KCNQ5: variants seen among roughly 807,000 people sequenced by gnomAD.
The protein encoded by KCNQ5 is potassium voltage-gated channel subfamily Q member 5, also known as potassium voltage-gated channel subfamily KQT member 5.
Under a neutral mutation model 98.2 loss-of-function variants are expected in KCNQ5, and 30 were observed. The ratio of observed to expected loss-of-function variants is 0.31; its 90% CI spans 0.23 to 0.41. The LOEUF (loss-of-function observed/expected upper bound fraction) is 0.41. Among genes scored for constraint, KCNQ5 ranks in the 10% least tolerant of loss-of-function variants. The pLI, the probability that KCNQ5 is intolerant of heterozygous loss-of-function variation, is 1.00. For synonymous variants in KCNQ5, 458 were observed against 449.4 expected (o/e 1.02, Z -0.24); for missense variants, 835 against 1,182.5 (o/e 0.71, Z 4.31).
At position 72,775,830 on chromosome 6, in the gene KCNQ5, C is replaced by T. The variant is rs527362704; in HGVS notation, c.398+153243C>T. ...CTGTACTCCTCAAAACTGTCAAGGT[C>T]ATCCAAAACAAGGAAAGCCTGAGAA... On this transcript the variant is annotated intron_variant, in intron 1 of 13. Transcript: ENST00000370398. Among the ~76,000 whole-genome samples, 80 of 152,256 alleles carry T rather than the reference C, an allele frequency of 5.3e-4. 1 individual carries two copies. Among genetic ancestry groups the T allele is most frequent in the African/African-American group, 1.8e-3 (76 of 41,544 alleles).
chr6:72,708,973 T>C (rs974797793), intron 1 of KCNQ5, among the ~76,000 whole-genome samples: 1 of 152,194 alleles, frequency 6.6e-6, no homozygotes, highest in African/African-American at 2.4e-5. Flanking sequence ...TCTAAAACTT[T>C]GCAAATATGA....
intron 9 of KCNQ5, among the ~76,000 whole-genome samples, chr6:73,131,776 T>C (rs909458731): frequency 1.3e-5 from 2 of 152,200 alleles, no homozygotes; most frequent in African/African-American, 2.4e-5. Flanking sequence ...TAATCACACA[T>C]GTGTCAAGCA....
chr6:73,153,209 A>G (rs866382148), intron 10 of KCNQ5, among the ~76,000 whole-genome samples: 4 of 152,146 alleles, frequency 2.6e-5, no homozygotes, highest in Admixed American at 2.0e-4. Context: ...GTGTTGGCAT[A>G]GGGTTTTCTC....
At chr6:73,063,725 A>AGATAGATAGATAGAT (rs1562156339) in intron 3 of KCNQ5, among the ~76,000 whole-genome samples, 42 of 106,994 alleles carry the variant, frequency 3.9e-4, no homozygotes, top group East Asian at 7.4e-4. Context: ...GATAGATGAT[A>AGATAGATAGATAGAT]GATAGATAGA....
intron 1 of KCNQ5, among the ~76,000 whole-genome samples, chr6:72,814,926 A>C (rs1456200619): frequency 6.6e-6 from 1 of 152,216 alleles, no homozygotes; most frequent in Non-Finnish European, 1.5e-5. Flanking sequence ...GGTTTGGTGT[A>C]ATATTCTTAA....
intron 1 of KCNQ5, among the ~76,000 whole-genome samples, chr6:72,916,012 T>C (rs1780120689): frequency 6.6e-6 from 1 of 152,202 alleles, no homozygotes; most frequent in Non-Finnish European, 1.5e-5. Flanking sequence ...TTCCCTAGAC[T>C]GTGGATATTA....
At chr6:72,978,439 C>A (rs1384913440) in intron 1 of KCNQ5, among the ~76,000 whole-genome samples, 2 of 152,228 alleles carry the variant, frequency 1.3e-5, no homozygotes, top group African/African-American at 2.4e-5. Flanking sequence ...TATCAAGAAG[C>A]AGAGCCTTTT....
chr6:72,896,497 T>G (rs923089430), intron 1 of KCNQ5, among the ~76,000 whole-genome samples: 1 of 152,068 alleles, frequency 6.6e-6, no homozygotes, highest in Admixed American at 6.5e-5. Context: ...GAAGAGTTTA[T>G]GTAAAATGCA....
At chr6:73,055,510 G>T in intron 3 of KCNQ5, 1 of 1,540,618 alleles carries the variant, frequency 6.5e-7, no homozygotes, top group Non-Finnish European at 9.0e-7. Flanking sequence ...AGGATCACAG[G>T]TATGCAGACC....
chr6:73,160,390 G>C (rs1012367748), intron 10 of KCNQ5, among the ~76,000 whole-genome samples: 1 of 152,166 alleles, frequency 6.6e-6, no homozygotes, highest in Admixed American at 6.5e-5. Context: ...AAAAGCAGTA[G>C]TGATTTCTTT....
intron 1 of KCNQ5, among the ~76,000 whole-genome samples, chr6:72,998,710 C>A (rs1769422096): frequency 6.6e-6 from 1 of 151,506 alleles, no homozygotes; most frequent in African/African-American, 2.4e-5. Context: ...GCACTCCAGC[C>A]TGGGCGACAG....
At chr6:73,133,331 T>A (rs1043925220) in intron 9 of KCNQ5, 90 bp from the exon 10 acceptor site, 6 of 1,062,608 alleles carry the variant, frequency 5.6e-6, no homozygotes, top group Non-Finnish European at 8.4e-6. Flanking sequence ...TATTGAAATA[T>A]ATGACCACAT....
intron 1 of KCNQ5, among the ~76,000 whole-genome samples, chr6:72,642,441 T>G (rs1765372008): frequency 6.6e-6 from 1 of 152,060 alleles, no homozygotes; most frequent in African/African-American, 2.4e-5. Flanking sequence ...CACCCAGGCA[T>G]TAAGTCCAGC....
chr6:73,182,636 C>T (rs560621137), intron 11 of KCNQ5, among the ~76,000 whole-genome samples: 2 of 152,264 alleles, frequency 1.3e-5, no homozygotes, highest in African/African-American at 2.4e-5. Flanking sequence ...TACTTTGGGA[C>T]ATTTTCCTCA....
At chr6:72,843,082 C>T (rs1776870266) in intron 1 of KCNQ5, among the ~76,000 whole-genome samples, 1 of 152,046 alleles carries the variant, frequency 6.6e-6, no homozygotes, top group African/African-American at 2.4e-5. Context: ...AATGGTATTG[C>T]CTGGGTTTTC....
At chr6:72,906,490 C>T (rs1779704663) in intron 1 of KCNQ5, among the ~76,000 whole-genome samples, 1 of 152,222 alleles carries the variant, frequency 6.6e-6, no homozygotes, top group African/African-American at 2.4e-5. Context: ...TTCCCTCTGC[C>T]TCTGGCCTCC....
chr6:72,864,679 C>T (rs1777907222), intron 1 of KCNQ5, among the ~76,000 whole-genome samples: 1 of 152,014 alleles, frequency 6.6e-6, no homozygotes, highest in African/African-American at 2.4e-5. Flanking sequence ...ATTTCATACA[C>T]ACACACACAG....
rs1447306626 is a variant in KCNQ5 at position 73,169,826 on chromosome 6, C to T, written c.1549C>T (p.Pro517Ser). The T allele has an allele frequency of 1.2e-6, 2 of 1,612,264 alleles. No individual in the cohort carries two copies. The highest frequency in any genetic ancestry group is 4.5e-5 in the East Asian group (2 of 44,876). ...TGTATCAGTGGAAGACCTCACCCCA[C>T]CACTTAAAACTGTCATTCGAGCTAT... is the stretch of plus-strand genomic sequence containing the variant. The part of the protein sequence containing the change: ...CDVSVEDLTP[P>S]LKTVIRAIRI... The change falls in exon 11 of 14, where the codon CCA (proline) becomes TCA (serine). Residue 517 changes from proline (P) to serine (S), a missense_variant. Around this residue, in one of 10 missense-constraint regions of KCNQ5, gnomAD observed 146 missense variants for 256.7 expected, o/e 0.57. Transcript: ENST00000370398.
chr6:73,070,280 G>A (rs934653893), intron 3 of KCNQ5, among the ~76,000 whole-genome samples: 2 of 151,876 alleles, frequency 1.3e-5, no homozygotes, highest in Admixed American at 6.6e-5. Context: ...CCCAAAATAG[G>A]CTTCTCAATA....
Sources: allele counts gnomAD v4.1 joint callset (sites outside exome capture counted in the v4.1 genomes callset), GRCh38; gene constraint gnomAD v4.1.1; regional missense constraint gnomAD v4.1.1; transcripts MANE v1.5; gene names NCBI Gene and HGNC (gene_info 2026-07-23, HGNC 2026-07-21).